Variants in EDEM1 observed in about 807,000 individuals in gnomAD.
The protein encoded by EDEM1 is ER degradation-enhancing alpha-mannosidase-like protein 1.
A neutral mutation model predicts 74.4 loss-of-function variants in EDEM1; 67 were observed. The ratio of observed to expected loss-of-function variants is 0.90; its 90% CI spans 0.74 to 1.10. The LOEUF is 1.10. Ranked by LOEUF, EDEM1 falls within the 50% of genes least tolerant of loss-of-function variation. EDEM1 has a pLI of 0.00. For missense variants in EDEM1, 926 were observed against 851.6 expected (o/e 1.09, Z -1.09); for synonymous variants, 382 against 335.9 (o/e 1.14, Z -1.50).
chr3:5,197,581 T>G (rs1387687240), intron 2 of EDEM1, among the ~76,000 whole-genome samples: 4 of 152,224 alleles, frequency 2.6e-5, no homozygotes, highest in African/African-American at 9.6e-5. Context: ...GGTAAACATC[T>G]GTAAGGAAAC....
intron 6 of EDEM1, among the ~76,000 whole-genome samples, chr3:5,206,391 A>G (rs2055097200): frequency 6.6e-6 from 1 of 151,966 alleles, no homozygotes; most frequent in African/African-American, 2.4e-5. Flanking sequence ...TATTTTTAGT[A>G]GAGATGGGGT....
At chr3:5,191,158 G>A (rs1169124053) in intron 1 of EDEM1, among the ~76,000 whole-genome samples, 2 of 152,130 alleles carry the variant, frequency 1.3e-5, no homozygotes, top group African/African-American at 4.8e-5. Context: ...TGTCATGCTG[G>A]CTTTGAAACA....
chr3:5,188,388 C>CT, intron 1 of EDEM1, 74 bp downstream of exon 1: 1 of 1,326,250 alleles, frequency 7.5e-7, no homozygotes, highest in Non-Finnish European at 9.7e-7. Flanking sequence ...GTGCAGCCCT[C>CT]TGTCCTCCGG....
intron 1 of EDEM1, among the ~76,000 whole-genome samples, chr3:5,191,381 G>A (rs1319458240): frequency 6.6e-6 from 1 of 151,738 alleles, no homozygotes; most frequent in African/African-American, 2.4e-5. Flanking sequence ...GCCCCACCAT[G>A]CTCGGCTAAT....
Position 5,200,745 on chromosome 3 carries a change from G to GT in EDEM1, c.687-1007dup, listed in dbSNP as rs554102156. 1.4e-3 allele frequency among the ~76,000 whole-genome samples: 208 copies of GT among 152,268 alleles called. 1 individual carries two copies. Among genetic ancestry groups the GT allele is most frequent in the African/African-American group, 4.9e-3 (203 of 41,532 alleles). On this transcript the variant is annotated intron_variant, in intron 3 of 11. Transcript: ENST00000256497. ...TAAGCTGGTAGCCTGCTGCCTCTTA[G>GT]TAGGTCATTTTTTCCTCCTCCTCTT...
chr3:5,213,722 C>T (rs1004664649), intron 11 of EDEM1, among the ~76,000 whole-genome samples, 200 bp downstream of exon 11: 2 of 152,196 alleles, frequency 1.3e-5, no homozygotes, highest in Admixed American at 6.5e-5. Context: ...ATCATCACTG[C>T]TGGCTGCAGG....
intron 9 of EDEM1, among the ~76,000 whole-genome samples, chr3:5,210,455 T>G (rs2055154327): frequency 1.3e-5 from 2 of 152,196 alleles, no homozygotes; most frequent in Non-Finnish European, 2.9e-5. Flanking sequence ...TTCTAGCAGA[T>G]TATGGGTGTT....
chr3:5,208,280 T>G lies in EDEM1; in HGVS notation c.1509+17T>G, dbSNP rs773838240. ...CTCTACCAGGTACTAGAGTTGTGTT[T>G]TTTTTTTTTTCCTTTCACTGCCTCC... On this transcript the variant is annotated intron_variant, in intron 8 of 11. Coordinates refer to ENST00000256497, the MANE Select transcript of EDEM1 (RefSeq NM_014674.3). 1.1e-4 allele frequency: 179 copies of G among 1,590,660 alleles called. No individual in the cohort carries two copies. In the African/African-American group the frequency reaches 1.8e-3, roughly 16 times the overall value.
rs2055252311 is a variant in EDEM1 at position 5,217,388 on chromosome 3, A to C, written c.*1470A>C. On this transcript the variant is annotated 3_prime_UTR_variant, in exon 12 of 12. Transcript: ENST00000256497. Reference sequence around the variant, plus strand: ...GGAAATCCCTAAAACTTCCAGCCTCACATAGCACGGTTCTCACCTGTCACT... The same window carrying C: ...GGAAATCCCTAAAACTTCCAGCCTCCCATAGCACGGTTCTCACCTGTCACT... 6.6e-6 allele frequency: 1 copy of C among 152,654 alleles called. No homozygotes were observed. The highest frequency in any genetic ancestry group is 2.1e-4 in the South Asian group (1 of 4,834). The allele number at this position is 152,654 out of a possible 1,614,324, so 9.5% of individuals were successfully genotyped here. A position where few individuals can be genotyped will look rare whatever the true frequency, so the allele number is the denominator to read the frequency against.
chr3:5,208,244 C>G lies in EDEM1; in HGVS notation c.1490C>G (p.Ser497Cys). Reference sequence around the variant, plus strand: ...CCACTGAGACCAGAGTTAGTGGAATCCACATATCTCCTCTACCAGGTACTA... The same window carrying G: ...CCACTGAGACCAGAGTTAGTGGAATGCACATATCTCCTCTACCAGGTACTA... ...FYPLRPELVESTYLLYQATKN... is the reference protein window; with the variant it reads ...FYPLRPELVECTYLLYQATKN... The change falls in exon 8 of 12, where the codon TCC (serine) becomes TGC (cysteine). Residue 497 changes from serine to cysteine, a missense_variant. Coordinates refer to ENST00000256497, the MANE Select transcript of EDEM1 (RefSeq NM_014674.3). 1 of 1,612,138 alleles carries G rather than the reference C, an allele frequency of 6.2e-7. No individual in the cohort carries two copies. Among genetic ancestry groups the G allele is most frequent in the Non-Finnish European group, 8.5e-7 (1 of 1,179,430 alleles).
At chr3:5,202,464 T>C (rs544507939) in intron 4 of EDEM1, among the ~76,000 whole-genome samples, 1 of 152,336 alleles carries the variant, frequency 6.6e-6, no homozygotes, top group African/African-American at 2.4e-5. Flanking sequence ...CCTCTGGGAA[T>C]TGAGTCAGCC....
chr3:5,203,231 T>G, intron 5 of EDEM1, 82 bp downstream of exon 5: 1 of 1,372,184 alleles, frequency 7.3e-7, no homozygotes, highest in Middle Eastern at 2.6e-4. Flanking sequence ...CTGCCCCCTT[T>G]TTACTCTTCA....
At chr3:5,213,706 G>A (rs987459584) in intron 11 of EDEM1, among the ~76,000 whole-genome samples, 184 bp downstream of exon 11, 4 of 152,198 alleles carry the variant, frequency 2.6e-5, no homozygotes, top group Non-Finnish European at 4.4e-5. Context: ...CAGGAGCAGC[G>A]GTGGCATCAT....
intron 1 of EDEM1, chr3:5,189,295 G>A (rs923495934): frequency 2.0e-5 from 3 of 152,234 alleles, no homozygotes; most frequent in African/African-American, 7.2e-5. Flanking sequence ...TCACCTGGAG[G>A]AAAGCAGTGG....
intron 10 of EDEM1, 197 bp downstream of exon 10, chr3:5,211,413 T>C (rs1267342984): frequency 1.8e-6 from 1 of 552,858 alleles, no homozygotes; most frequent in Middle Eastern, 2.8e-4. Context: ...AAAAGTCATT[T>C]GTCAAGTAAA....
rs1375365490 is a variant in EDEM1, at chr3:5,215,990, T to C, written c.*72T>C. ...ACCCAGACCATGCCAAAGTCCAGTC[T>C]GAAATGAAAGGGGACAGAAGTCTTG... On this transcript the variant is annotated 3_prime_UTR_variant, in exon 12 of 12. Coordinates refer to ENST00000256497, the MANE Select transcript of EDEM1 (RefSeq NM_014674.3). 3 of 1,323,886 alleles carry C rather than the reference T, an allele frequency of 2.3e-6. No individual in the cohort carries two copies. In the African/African-American group the frequency reaches 4.4e-5, roughly 20 times the overall value. The allele number at this position is 1,323,886 out of a possible 1,614,324, so 82.0% of individuals were successfully genotyped here. A position where few individuals can be genotyped will look rare whatever the true frequency, so the allele number is the denominator to read the frequency against.
Position 5,188,095 on chromosome 3 carries a change from C to T in EDEM1, c.290C>T (p.Pro97Leu), listed in dbSNP as rs1021221811. 5 of 1,506,900 alleles carry T rather than the reference C, an allele frequency of 3.3e-6. No individual in the cohort carries two copies. Among genetic ancestry groups the T allele is most frequent in the African/African-American group, 2.9e-5 (2 of 68,872 alleles). The allele number at this position is 1,506,900 out of a possible 1,614,324, so 93.3% of individuals were successfully genotyped here. A position where few individuals can be genotyped will look rare whatever the true frequency, so the allele number is the denominator to read the frequency against. ...CGTCCTGGGCCGGGGATGTGCGGCC[C>T]AGCCAACTGGGGCTACGTGCTGGGC... Reference protein sequence around the residue: ...PRRPGPGMCGPANWGYVLGGR... With the variant: ...PRRPGPGMCGLANWGYVLGGR... The change falls in exon 1 of 12, where the codon CCA becomes CTA. Residue 97 changes from proline (P) to leucine (L), a missense_variant. By Grantham distance (98) the Pro-to-Leu change is moderately conservative (BLOSUM62 -3). Coordinates refer to ENST00000256497, the MANE Select transcript of EDEM1 (RefSeq NM_014674.3).
rs1175990048 is a variant in EDEM1 at position 5,203,061 on chromosome 3, A to G, written c.954A>G (p.Arg318=). 1.2e-6 allele frequency: 2 copies of G among 1,613,286 alleles called. No individual in the cohort carries two copies. Among genetic ancestry groups the G allele is most frequent in the Non-Finnish European group, 1.7e-6 (2 of 1,179,700 alleles). ...SLLVEFGILS[R]LLGDSTFEWV... is the part of the protein sequence containing the mutation. ...TGGTGGAATTTGGGATTCTGAGTCGACTCCTGGGGGACTCCACATTTGAGT... is the reference window on the plus strand; with the variant it reads ...TGGTGGAATTTGGGATTCTGAGTCGGCTCCTGGGGGACTCCACATTTGAGT... The change falls in exon 5 of 12, where the codon CGA becomes CGG. Residue 318 remains arginine, a synonymous_variant. Coordinates refer to ENST00000256497, the MANE Select transcript of EDEM1 (RefSeq NM_014674.3).
intron 4 of EDEM1, 80 bp downstream of exon 4, chr3:5,202,004 T>G: frequency 6.7e-7 from 1 of 1,501,786 alleles, no homozygotes; most frequent in Non-Finnish European, 8.9e-7. Context: ...CTAATTTATT[T>G]GGGAGAAGGA....
Sources: gnomAD v4.1 joint callset for allele counts (sites outside exome capture counted in the v4.1 genomes callset) on GRCh38, gnomAD v4.1.1 for gene constraint, MANE v1.5 for transcripts, NCBI Gene and HGNC (gene_info 2026-07-23, HGNC 2026-07-21) for gene names.